The following KRABD4 variants were observed in gnomAD, a reference collection of about 807,000 sequenced individuals.
KRABD4 encodes KRAB domain containing 4, also known as KRAB domain-containing protein 4.
chrX:46,456,892 C>G, the KRABD4 span: 1 of 349,640 alleles, frequency 2.9e-6, no homozygotes, highest in Non-Finnish European at 4.8e-6. Flanking sequence ...TGAAGTAAGT[C>G]ATCTTTCTTA....
the KRABD4 span, among the ~76,000 whole-genome samples, chrX:46,461,107 A>G: frequency 9.2e-6 from 1 of 108,143 alleles, no homozygotes; most frequent in Non-Finnish European, 1.9e-5. Flanking sequence ...ACCAGGTGAC[A>G]TTACTCCAGA....
At chrX:46,462,509 C>CA in the KRABD4 span, 2,153 of 347,702 alleles carry the variant, frequency 6.2e-3, no homozygotes, top group Non-Finnish European at 7.7e-3. Context: ...GACTCGGTCT[C>CA]AAAAAAAAAA....
the KRABD4 span, chrX:46,457,210 A>G: frequency 4.3e-6 from 1 of 231,701 alleles, no homozygotes; most frequent in South Asian, 1.5e-4. Flanking sequence ...CTTCTCTGCC[A>G]TGCCACCCAC....
chrX:46,454,996 T>G, the KRABD4 span: 1 of 300,605 alleles, frequency 3.3e-6, no homozygotes, highest in African/African-American at 2.7e-5. Flanking sequence ...TTCACATAAA[T>G]ACTCAGTCTT....
the KRABD4 span, among the ~76,000 whole-genome samples, chrX:46,458,694 T>C: frequency 8.9e-6 from 1 of 111,768 alleles, no homozygotes; most frequent in African/African-American, 3.3e-5. Context: ...TAGGACTCCA[T>C]CCTAGTGAAA....
At chrX:46,456,540 T>C in the KRABD4 span, 1 of 218,207 alleles carries the variant, frequency 4.6e-6, no homozygotes. Flanking sequence ...ATTGTATTTT[T>C]TTCAGGTCAC....
At chrX:46,456,569 C>G in the KRABD4 span, 3 of 256,257 alleles carry the variant, frequency 1.2e-5, no homozygotes, top group Admixed American at 1.2e-4. Flanking sequence ...TAGCTGTCCT[C>G]CATACTCTCA....
chrX:46,462,608 T>G, the KRABD4 span: 3 of 1,083,115 alleles, frequency 2.8e-6, no homozygotes, highest in Non-Finnish European at 3.7e-6. Context: ...GGTTAGTTAC[T>G]TAGGCTCTGT....
chrX:46,473,531 G>T, the KRABD4 span: 1 of 653,059 alleles, frequency 1.5e-6, no homozygotes, highest in South Asian at 3.0e-5. Flanking sequence ...AAATCTTTTA[G>T]TGTTAAATCA....
At chrX:46,460,494 A>G in the KRABD4 span, among the ~76,000 whole-genome samples, 1 of 109,144 alleles carries the variant, frequency 9.2e-6, no homozygotes, top group African/African-American at 3.3e-5. Context: ...GAAGAGATGC[A>G]TAGGGCAAGG....
chrX:46,463,243 G>A, the KRABD4 span: 1 of 1,212,218 alleles, frequency 8.2e-7, no homozygotes, highest in Non-Finnish European at 1.1e-6. Flanking sequence ...TTGGGACCAG[G>A]TGAAGAGTCC....
At chrX:46,449,484 A>C in the KRABD4 span, among the ~76,000 whole-genome samples, 2 of 112,547 alleles carry the variant, frequency 1.8e-5, no homozygotes, top group Admixed American at 9.4e-5. Flanking sequence ...TTTGTCAAAA[A>C]TTGAGAAAAT....
At chrX:46,447,862 C>A in the KRABD4 span, among the ~76,000 whole-genome samples, 8 of 110,339 alleles carry the variant, frequency 7.3e-5, no homozygotes, top group Admixed American at 1.9e-4. Context: ...GTGTCTCCCC[C>A]GCTGGACTAG....
chrX:46,452,691 C>T, the KRABD4 span, among the ~76,000 whole-genome samples: 233 of 112,324 alleles, frequency 2.1e-3, no homozygotes, highest in African/African-American at 7.0e-3. Context: ...CCATTGTGTA[C>T]ATGTGAGAAC....
chrX:46,455,529 C>T, the KRABD4 span: 1 of 441,861 alleles, frequency 2.3e-6, no homozygotes, highest in South Asian at 2.9e-5. Context: ...CTCTTCCCAG[C>T]AATTGTTGCT....
At chrX:46,449,068 A>T in the KRABD4 span, among the ~76,000 whole-genome samples, 2 of 112,308 alleles carry the variant, frequency 1.8e-5, no homozygotes, top group Non-Finnish European at 3.8e-5. Context: ...TGTCACAATG[A>T]TTGTTGCAGT....
At chrX:46,452,684 T>C in the KRABD4 span, among the ~76,000 whole-genome samples, 2 of 112,444 alleles carry the variant, frequency 1.8e-5, no homozygotes, top group Non-Finnish European at 3.8e-5. Context: ...TAGATTCCCA[T>C]TGTGTACATG....
chrX:46,472,303 T>A, the KRABD4 span: 1 of 122,023 alleles, frequency 8.2e-6, no homozygotes, highest in Non-Finnish European at 1.7e-5. Flanking sequence ...TTCTAGTTCC[T>A]ATTTTACACA....
the KRABD4 span, chrX:46,473,659 T>C: frequency 5.4e-6 from 1 of 185,918 alleles, no homozygotes; most frequent in South Asian, 1.2e-4. Context: ...GTGAATCTTT[T>C]TTTTTTTTTT....
Sources: allele counts gnomAD v4.1 joint callset (sites outside exome capture counted in the v4.1 genomes callset), GRCh38; gene constraint gnomAD v4.1.1; transcripts MANE v1.5; gene names NCBI Gene and HGNC (gene_info 2026-07-23, HGNC 2026-07-21).